The following STK36 variants were observed in gnomAD, a reference collection of about 807,000 sequenced individuals.
The protein encoded by STK36 is serine/threonine kinase 36.
A neutral mutation model predicts 142.2 loss-of-function variants in STK36; 116 were observed. That is an observed-to-expected ratio of 0.82 (90% CI 0.70 to 0.95). The LOEUF is 0.95. STK36 is among the 40% of genes least tolerant of loss of function. The pLI, the probability that STK36 is intolerant of heterozygous loss-of-function variation, is 0.00. For synonymous variants in STK36, 619 were observed against 641.7 expected (o/e 0.96, Z 0.53); for missense variants, 1,422 against 1,617.2 (o/e 0.88, Z 2.07).
Position 218,679,279 on chromosome 2 carries a change from C to T in STK36, c.778+18C>T, listed in dbSNP as rs371681561. ...TGTCACCAGTGAGTCATCAGGGTTC[C>T]CAGGGCTCTTGGACTTCCCAGTACT... On this transcript the variant is annotated intron_variant, in intron 7 of 26. Coordinates refer to ENST00000295709, the MANE Select transcript of STK36 (RefSeq NM_015690.5). 2.2e-4 allele frequency: 361 copies of T among 1,612,600 alleles called. No individual in the cohort carries two copies. The highest frequency in any genetic ancestry group is 2.8e-4 in the Non-Finnish European group (325 of 1,178,808).
intron 9 of STK36, among the ~76,000 whole-genome samples, chr2:218,680,345 T>C (rs535373095): frequency 1.3e-5 from 2 of 152,328 alleles, no homozygotes; most frequent in South Asian, 4.1e-4. Context: ...AAAGGGAAGA[T>C]TGTTTTGAGT....
At chr2:218,699,481 T>C in intron 26 of STK36, 133 bp downstream of exon 26, 6 of 1,361,722 alleles carry the variant, frequency 4.4e-6, no homozygotes, top group Non-Finnish European at 5.8e-6. Context: ...AGGGACAGTG[T>C]CTTGGAGTGA....
At chr2:218,680,162 C>G (rs1183759444) in intron 9 of STK36, 82 bp downstream of exon 9, 2 of 1,357,186 alleles carry the variant, frequency 1.5e-6, no homozygotes, top group East Asian at 2.3e-5. Flanking sequence ...ACAGAATGGT[C>G]CCTGTCACTA....
At position 218,694,341 on chromosome 2, in the gene STK36, C is replaced by CT. The variant is rs564094482; in HGVS notation, c.2400+16dup. 3.6e-4 allele frequency: 575 copies of CT among 1,611,152 alleles called. No individual in the cohort carries two copies. The highest frequency in any genetic ancestry group is 4.6e-4 in the Non-Finnish European group (541 of 1,177,456). The stretch of plus-strand genomic sequence containing the variant: ...GTCTCTCTTGTGGTAAGTTTTTAAC[C>CT]TTCACCCTCCTCCCCTTTTCACCCT... On this transcript the variant is annotated intron_variant, in intron 20 of 26. Coordinates refer to ENST00000295709, the MANE Select transcript of STK36 (RefSeq NM_015690.5). The surrounding 1 kb of genome is among the most constrained non-coding windows in gnomAD (Gnocchi z 4.4).
chr2:218,687,033 C>G (rs919847368), intron 11 of STK36, among the ~76,000 whole-genome samples: 3 of 152,308 alleles, frequency 2.0e-5, no homozygotes, highest in South Asian at 4.1e-4. Context: ...AACATCTTTT[C>G]ATGGCTTATT....
chr2:218,683,220 C>T (rs1318720244), intron 10 of STK36, among the ~76,000 whole-genome samples: 2 of 151,850 alleles, frequency 1.3e-5, no homozygotes, highest in African/African-American at 4.8e-5. Context: ...GCAATTCTTT[C>T]ATCTCAGCCT....
At chr2:218,675,068 A>G (rs865930146) in intron 4 of STK36, among the ~76,000 whole-genome samples, 2 of 152,156 alleles carry the variant, frequency 1.3e-5, no homozygotes, top group Admixed American at 6.5e-5. Flanking sequence ...ATAATCCTCC[A>G]TGTAGATGGT....
intron 14 of STK36, 120 bp downstream of exon 14, chr2:218,690,675 C>A: frequency 1.3e-6 from 1 of 796,062 alleles, no homozygotes; most frequent in Non-Finnish European, 2.1e-6. Context: ...TTGTTAAATT[C>A]CCACCATGCC....
chr2:218,693,448 CTG>C, intron 17 of STK36, 104 bp downstream of exon 17: 1 of 1,132,596 alleles, frequency 8.8e-7, no homozygotes, highest in Non-Finnish European at 1.3e-6. Context: ...GAGAGAGAGA[CTG>C]AGAGAGACCA....
intron 10 of STK36, among the ~76,000 whole-genome samples, chr2:218,681,144 T>C (rs1380712227): frequency 2.6e-5 from 4 of 151,972 alleles, no homozygotes; most frequent in East Asian, 1.9e-4. Flanking sequence ...TTTTTTTTTT[T>C]CGAGACAGAG....
At chr2:218,683,319 G>C (rs1940619317) in intron 10 of STK36, among the ~76,000 whole-genome samples, 1 of 151,432 alleles carries the variant, frequency 6.6e-6, no homozygotes, top group Admixed American at 6.6e-5. Context: ...CTGTTGCCTG[G>C]GCTGGAGTGC....
Position 218,702,064 on chromosome 2 carries a change from T to C in STK36, c.*55T>C. 6.3e-7 allele frequency: 1 copy of C among 1,597,878 alleles called. No individual in the cohort carries two copies. The highest frequency in any genetic ancestry group is 8.5e-7 in the Non-Finnish European group (1 of 1,171,842). ...TTTGGTTGCCAGCTCTTTCTTATTC[T>C]ACTACACAAGCCGCCAACTCAACTG... On this transcript the variant is annotated 3_prime_UTR_variant, in exon 27 of 27. Transcript: ENST00000295709.
rs144947110 is a variant in STK36 at position 218,692,932 on chromosome 2, C to T, written c.2043+222C>T. Among the ~76,000 whole-genome samples, 900 of 152,320 alleles carry T rather than the reference C, an allele frequency of 5.9e-3. 9 individuals carry two copies. The highest frequency in any genetic ancestry group is 0.02 in the African/African-American group (837 of 41,568). ...GGAGAGAGCACAGTGATAAACTGCCCAGATGGTGGGGCAGCTGATCTGAAG... is the reference window on the plus strand; with the variant it reads ...GGAGAGAGCACAGTGATAAACTGCCTAGATGGTGGGGCAGCTGATCTGAAG... On this transcript the variant is annotated intron_variant, in intron 16 of 26. Coordinates refer to ENST00000295709, the MANE Select transcript of STK36 (RefSeq NM_015690.5).
chr2:218,701,336 T>G (rs1274595136), intron 26 of STK36, among the ~76,000 whole-genome samples: 1 of 151,730 alleles, frequency 6.6e-6, no homozygotes, highest in Admixed American at 6.6e-5. Flanking sequence ...GAGACGGGGT[T>G]TCACCGTGAT....
chr2:218,674,347 A>G (rs993017224), intron 4 of STK36, among the ~76,000 whole-genome samples: 1 of 152,196 alleles, frequency 6.6e-6, no homozygotes, highest in African/African-American at 2.4e-5. Flanking sequence ...CCTTTAGGGA[A>G]GAAGGGCCAG....
chr2:218,674,228 TA>T (rs11309068), intron 4 of STK36, among the ~76,000 whole-genome samples: 5,549 of 152,320 alleles, frequency 0.036, 330 homozygotes, highest in African/African-American at 0.13. Flanking sequence ...TCCTAATTTG[TA>T]AAATGGAGAT....
Position 218,693,961 on chromosome 2 carries a change from C to A in STK36, c.2314C>A (p.Arg772=). The A allele has an allele frequency of 6.2e-7, 1 of 1,614,212 alleles. No homozygotes were observed. The highest frequency in any genetic ancestry group is 1.3e-5 in the African/African-American group (1 of 75,054). The part of the protein sequence containing the change: ...TLYFLSLLVF[R]LQNLPCGMEK... ...CTACTTCCTCTCCCTTCTTGTCTTT[C>A]GGCTCCAAAACCTGCCTTGTGGGTA... Residue 772 remains arginine, a synonymous_variant, in exon 19 of 27, where the codon CGG becomes AGG. Coordinates refer to ENST00000295709, the MANE Select transcript of STK36 (RefSeq NM_015690.5).
At chr2:218,687,518 C>T (rs1321666925) in intron 11 of STK36, among the ~76,000 whole-genome samples, 2 of 152,204 alleles carry the variant, frequency 1.3e-5, no homozygotes, top group Non-Finnish European at 2.9e-5. Flanking sequence ...CTCCTTTCCT[C>T]ATTGAATTGG....
chr2:218,677,719 G>A (rs1258542535), intron 6 of STK36, among the ~76,000 whole-genome samples: 1 of 152,236 alleles, frequency 6.6e-6, no homozygotes, highest in Non-Finnish European at 1.5e-5. Context: ...GATGATAGAG[G>A]TGGTGCCTAC....
Sources: gnomAD v4.1 joint callset for allele counts (sites outside exome capture counted in the v4.1 genomes callset) on GRCh38, gnomAD v4.1.1 for gene constraint, Gnocchi (gnomAD v3.1) non-coding constraint, MANE v1.5 for transcripts, NCBI Gene and HGNC (gene_info 2026-07-23, HGNC 2026-07-21) for gene names.